The following RAD18 variants were observed in gnomAD, a reference collection of about 807,000 sequenced individuals.
RAD18 encodes E3 ubiquitin-protein ligase RAD18.
Under a neutral mutation model 60.4 loss-of-function variants are expected in RAD18, and 47 were observed. The ratio of observed to expected loss-of-function variants is 0.78; its 90% CI spans 0.62 to 0.99. The LOEUF is 0.99. RAD18 is among the 50% of genes least tolerant of loss of function. The probability of loss-of-function intolerance (pLI) is 0.00; values close to 1 mark genes in which losing one functional copy is unlikely to be tolerated. For synonymous variants in RAD18, 225 were observed against 195.5 expected (o/e 1.15, Z -1.26); for missense variants, 640 against 593.3 (o/e 1.08, Z -0.82).
chr3:8,890,329 C>CA, intron 12 of RAD18, 60 bp downstream of exon 12: 1 of 1,305,906 alleles, frequency 7.7e-7, no homozygotes, highest in Non-Finnish European at 1.1e-6. Context: ...AAATCAGCTG[C>CA]ATAGAAGTAT....
intron 7 of RAD18, among the ~76,000 whole-genome samples, chr3:8,918,790 T>C (rs539908858): frequency 2.0e-5 from 3 of 152,342 alleles, no homozygotes; most frequent in East Asian, 1.9e-4. Context: ...CCCTGCCCTG[T>C]GCAGTATTAT....
intron 8 of RAD18, among the ~76,000 whole-genome samples, chr3:8,913,036 G>A (rs1263272209): frequency 6.7e-6 from 1 of 150,146 alleles, no homozygotes; most frequent in Non-Finnish European, 1.5e-5. Flanking sequence ...AAATGGCCTA[G>A]AAAAAAAAAA....
chr3:8,910,895 G>A (rs890561151), intron 9 of RAD18, among the ~76,000 whole-genome samples: 3 of 152,236 alleles, frequency 2.0e-5, no homozygotes, highest in Non-Finnish European at 4.4e-5. Context: ...ACCAAAAGTA[G>A]CACCAAATGG....
chr3:8,918,234 C>T (rs900738050), intron 7 of RAD18, among the ~76,000 whole-genome samples: 2 of 144,256 alleles, frequency 1.4e-5, no homozygotes, highest in Non-Finnish European at 3.0e-5. Flanking sequence ...AGGAGAATCG[C>T]TTGAATCCAG....
intron 7 of RAD18, among the ~76,000 whole-genome samples, chr3:8,932,057 TAACAC>T (rs1183272443): frequency 7.2e-5 from 11 of 152,140 alleles, no homozygotes; most frequent in Middle Eastern, 3.4e-3. Context: ...TCCTAGAAAA[TAACAC>T]AGGAGAAATT....
At chr3:8,899,888 T>C (rs1240737589) in intron 10 of RAD18, among the ~76,000 whole-genome samples, 1 of 152,202 alleles carries the variant, frequency 6.6e-6, no homozygotes, top group African/African-American at 2.4e-5. Context: ...GCTCCTTTCA[T>C]GTGTTTCCTC....
At chr3:8,902,150 T>G (rs1312752823) in intron 10 of RAD18, among the ~76,000 whole-genome samples, 2 of 152,200 alleles carry the variant, frequency 1.3e-5, no homozygotes, top group African/African-American at 4.8e-5. Flanking sequence ...TATCATTAAC[T>G]GAAAGGACGA....
chr3:8,961,807 A>G (rs1941098382), intron 1 of RAD18, among the ~76,000 whole-genome samples: 2 of 152,210 alleles, frequency 1.3e-5, no homozygotes. Flanking sequence ...GTGGTGAGAT[A>G]CCAAAGTCAG....
chr3:8,910,813 A>C (rs573688863), intron 9 of RAD18, among the ~76,000 whole-genome samples: 56 of 152,342 alleles, frequency 3.7e-4, no homozygotes, highest in African/African-American at 1.3e-3. Flanking sequence ...TAGCACATCA[A>C]TAGTTAATGT....
At position 8,891,037 on chromosome 3, in the gene RAD18, T is replaced by C. The variant is rs376816738; in HGVS notation, c.1323-586A>G. ...ATGTCTGTTTGTTCATGTGTTGAGA[T>C]ACACATACACGCACATGTATAAAGC... On this transcript the variant is annotated intron_variant, in intron 11 of 12. Transcript: ENST00000264926. 4.0e-5 allele frequency among the ~76,000 whole-genome samples: 6 copies of C among 150,464 alleles called. No individual in the cohort carries two copies. In the South Asian group the frequency reaches 6.3e-4, roughly 16 times the overall value.
intron 7 of RAD18, among the ~76,000 whole-genome samples, chr3:8,927,454 T>G (rs896413166): frequency 6.6e-6 from 1 of 152,226 alleles, no homozygotes; most frequent in African/African-American, 2.4e-5. Context: ...ACTTTTACAC[T>G]GTTGGTGGGA....
chr3:8,895,644 T>TTTTG (rs898753151), intron 11 of RAD18, among the ~76,000 whole-genome samples: 1 of 152,020 alleles, frequency 6.6e-6, no homozygotes, highest in East Asian at 1.9e-4. Flanking sequence ...TCTCTTTTTT[T>TTTTG]TTTGTTTGTT....
At chr3:8,882,916 G>A (rs1939496076) in intron 12 of RAD18, among the ~76,000 whole-genome samples, 1 of 152,160 alleles carries the variant, frequency 6.6e-6, no homozygotes, top group Non-Finnish European at 1.5e-5. Flanking sequence ...AGTCCCTATG[G>A]TCCTTCACTG....
chr3:8,949,730 C>T (rs765540859), intron 2 of RAD18, among the ~76,000 whole-genome samples: 9 of 152,148 alleles, frequency 5.9e-5, no homozygotes, highest in Admixed American at 5.2e-4. Context: ...AAACAGAAAC[C>T]TCCATGGGAA....
At chr3:8,894,355 C>T in intron 11 of RAD18, among the ~76,000 whole-genome samples, 1 of 152,140 alleles carries the variant, frequency 6.6e-6, no homozygotes, top group East Asian at 1.9e-4. Context: ...AAATCCTTAA[C>T]AAGAGATGAA....
chr3:8,902,127 G>T (rs544465313), intron 10 of RAD18, among the ~76,000 whole-genome samples: 5 of 152,188 alleles, frequency 3.3e-5, no homozygotes, highest in East Asian at 3.9e-4. Flanking sequence ...AAATAACAAA[G>T]AAATTTATGA....
chr3:8,927,691 A>C (rs1168432753), intron 7 of RAD18, among the ~76,000 whole-genome samples: 1 of 152,236 alleles, frequency 6.6e-6, no homozygotes, highest in Admixed American at 6.5e-5. Context: ...CTGGGTTAAG[A>C]AAATGTGGCA....
At chr3:8,913,047 A>T (rs1388929558) in intron 8 of RAD18, among the ~76,000 whole-genome samples, 2 of 148,680 alleles carry the variant, frequency 1.3e-5, no homozygotes, top group Non-Finnish European at 3.0e-5. Flanking sequence ...AAAAAAAAAA[A>T]GTCTACTTGG....
intron 9 of RAD18, among the ~76,000 whole-genome samples, chr3:8,910,732 T>C (rs1041041776): frequency 1.3e-5 from 2 of 152,168 alleles, no homozygotes; most frequent in African/African-American, 4.8e-5. Flanking sequence ...TGACATAATA[T>C]TTAAAGGATG....
Sources: gnomAD v4.1 joint callset for allele counts (sites outside exome capture counted in the v4.1 genomes callset) on GRCh38, gnomAD v4.1.1 for gene constraint, MANE v1.5 for transcripts, NCBI Gene and HGNC (gene_info 2026-07-23, HGNC 2026-07-21) for gene names.